The following NPNT variants were observed in gnomAD, a reference collection of about 807,000 sequenced individuals.
NPNT encodes nephronectin, also known as preosteoblast EGF-like repeat protein with MAM domain.
NPNT carries 45 observed loss-of-function variants against 68.6 expected under a neutral mutation model. That is an observed-to-expected ratio of 0.66 (90% CI 0.52 to 0.84). NPNT has a LOEUF of 0.84. Ranked by LOEUF, NPNT falls within the 40% of genes least tolerant of loss-of-function variation. NPNT has a pLI of 0.00. For missense variants in NPNT, 672 were observed against 714.8 expected, an observed-to-expected ratio of 0.94 and a Z score of 0.68; for synonymous variants, 233 against 253.3, an observed-to-expected ratio of 0.92 and a Z score of 0.76.
chr4:105,898,324 CTCTGTCT>C, intron 2 of NPNT, among the ~76,000 whole-genome samples: 2 of 121,118 alleles, frequency 1.7e-5, no homozygotes, highest in South Asian at 4.8e-4. Context: ...CTCTCTCTCT[CTCTGTCT>C]CTCTCTCTCT....
intron 4 of NPNT, 36 bp downstream of exon 4, chr4:105,937,164 T>C: frequency 1.2e-6 from 2 of 1,609,346 alleles, no homozygotes; most frequent in South Asian, 1.1e-5. Flanking sequence ...ATAAGTGCTT[T>C]GGGCTTGTTT....
At chr4:105,939,711 G>A (rs1266443512) in intron 5 of NPNT, among the ~76,000 whole-genome samples, 2 of 152,136 alleles carry the variant, frequency 1.3e-5, no homozygotes, top group African/African-American at 4.8e-5. Context: ...GAGAAAAGTA[G>A]ACAGATTCAA....
At chr4:105,967,128 G>A (rs1414401888) in intron 10 of NPNT, 60 bp from the exon 11 acceptor site, 1 of 1,493,246 alleles carries the variant, frequency 6.7e-7, no homozygotes, top group East Asian at 2.3e-5. Context: ...TCCTGTCCAT[G>A]CTGCTTGTTC....
rs527512624 is a variant in NPNT at position 105,954,744 on chromosome 4, T to C, written c.1160-3727T>C. 3.9e-5 allele frequency among the ~76,000 whole-genome samples: 6 copies of C among 152,324 alleles called. No individual in the cohort carries two copies. In the South Asian group the frequency reaches 1.2e-3, roughly 32 times the overall value. On this transcript the variant is annotated intron_variant, in intron 8 of 11. Coordinates refer to ENST00000379987, the MANE Select transcript of NPNT (RefSeq NM_001033047.3). ...CCAGAGCCATAGCTCATAGTACTTCTTCTTATGTCATAGAGAAAGCATCAC... is the reference window on the plus strand; with the variant it reads ...CCAGAGCCATAGCTCATAGTACTTCCTCTTATGTCATAGAGAAAGCATCAC...
chr4:105,955,802 G>A (rs561644923), intron 8 of NPNT, among the ~76,000 whole-genome samples: 132 of 148,590 alleles, frequency 8.9e-4, no homozygotes, highest in African/African-American at 3.2e-3. Context: ...ACTCTAAAGT[G>A]TATCGGGGGT....
chr4:105,917,407 CCTT>C (rs1408299390), intron 2 of NPNT, among the ~76,000 whole-genome samples: 1 of 152,130 alleles, frequency 6.6e-6, no homozygotes, highest in African/African-American at 2.4e-5. Context: ...CAGAGAAATG[CCTT>C]CTTCTGTATT....
Position 105,971,034 on chromosome 4 carries a change from T to C in NPNT, c.*2044T>C, listed in dbSNP as rs200303428. On this transcript the variant is annotated 3_prime_UTR_variant, in exon 12 of 12. Coordinates refer to ENST00000379987, the MANE Select transcript of NPNT (RefSeq NM_001033047.3). ...CAGTAATGTCCTAGTGTGGCGGTGGTTTTCAATGTTTCTTCATGTTAAAGG... is the reference window on the plus strand; with the variant it reads ...CAGTAATGTCCTAGTGTGGCGGTGGCTTTCAATGTTTCTTCATGTTAAAGG... The C allele has an allele frequency of 2.4e-5, 9 of 367,490 alleles. No individual in the cohort carries two copies. The highest frequency in any genetic ancestry group is 1.8e-4 in the South Asian group (9 of 50,008). 22.8% of individuals were successfully genotyped at this position (367,490 alleles called of 1,614,324 possible). A position where few individuals can be genotyped will look rare whatever the true frequency, so the allele number is the denominator to read the frequency against.
intron 2 of NPNT, among the ~76,000 whole-genome samples, chr4:105,906,012 A>G (rs1726861057): frequency 6.6e-6 from 1 of 152,212 alleles, no homozygotes; most frequent in Non-Finnish European, 1.5e-5. Context: ...TTGGGAAAGT[A>G]TATAAAGTGG....
At position 105,928,485 on chromosome 4, in the gene NPNT, T is replaced by C. The variant is rs11730923; in HGVS notation, c.265+1057T>C. On this transcript the variant is annotated intron_variant, in intron 3 of 11. Coordinates refer to ENST00000379987, the MANE Select transcript of NPNT (RefSeq NM_001033047.3). ...GAAATTAGCTGCGTGTGGTGGCTCA[T>C]GCTTGTAATCCCAGCTACTCAAGAA... 9.8e-3 allele frequency among the ~76,000 whole-genome samples: 1,490 copies of C among 151,952 alleles called. 7 individuals carry two copies. The highest frequency in any genetic ancestry group is 0.013 in the South Asian group (64 of 4,810).
At chr4:105,953,553 C>T (rs1489016406) in intron 8 of NPNT, among the ~76,000 whole-genome samples, 1 of 152,148 alleles carries the variant, frequency 6.6e-6, no homozygotes, top group East Asian at 1.9e-4. Flanking sequence ...TCTCTCTGAT[C>T]ACTTAAAATT....
In NPNT at chr4:105,942,621, G is replaced by T; in HGVS notation, c.1078G>T (p.Ala360Ser). ...PTTGLTTIAP[A>S]ASTPPGGITV... ...CACCGGACTGACAACTATAGCACCA[G>T]CTGCCAGTACACCTCCAGGAGGGAT... Residue 360 changes from alanine (A) to serine (S), a missense_variant, in exon 8 of 12, where the codon GCT becomes TCT. Transcript: ENST00000379987. 1.9e-6 allele frequency: 3 copies of T among 1,613,948 alleles called. No homozygotes were observed. The South Asian group carries it at 3.3e-5, about 18-fold the overall frequency.
At chr4:105,923,002 G>A (rs962867407) in intron 2 of NPNT, among the ~76,000 whole-genome samples, 5 of 152,190 alleles carry the variant, frequency 3.3e-5, no homozygotes, top group Admixed American at 2.0e-4. Flanking sequence ...AAGCAATGCT[G>A]CCTTTTCTGA....
intron 3 of NPNT, among the ~76,000 whole-genome samples, chr4:105,934,229 A>G (rs1729345705): frequency 6.6e-6 from 1 of 152,212 alleles, no homozygotes; most frequent in Non-Finnish European, 1.5e-5. Context: ...ATGATCTCCA[A>G]TAGATTGTGA....
At chr4:105,914,320 A>G in intron 2 of NPNT, among the ~76,000 whole-genome samples, 1 of 137,352 alleles carries the variant, frequency 7.3e-6, no homozygotes, top group South Asian at 2.6e-4. Flanking sequence ...TTGGTCCTGG[A>G]TCATGCAGGT....
intron 10 of NPNT, 33 bp from the exon 11 acceptor site, chr4:105,967,155 C>G: frequency 6.2e-7 from 1 of 1,607,242 alleles, no homozygotes; most frequent in Non-Finnish European, 8.5e-7. Context: ...GGGATATTGG[C>G]ACATACACAC....
chr4:105,932,059 T>C (rs1427936972), intron 3 of NPNT, among the ~76,000 whole-genome samples: 1 of 152,220 alleles, frequency 6.6e-6, no homozygotes, highest in Non-Finnish European at 1.5e-5. Flanking sequence ...TCCAGAAGCA[T>C]AATTTCTTAC....
chr4:105,942,111 G>GTATATA (rs1359562097), intron 7 of NPNT, among the ~76,000 whole-genome samples, 196 bp from the exon 8 acceptor site: 1 of 138,168 alleles, frequency 7.2e-6, no homozygotes, highest in African/African-American at 2.8e-5. Context: ...GTGTCTGTGT[G>GTATATA]TGTGTATATA....
chr4:105,950,133 T>C (rs1730702016), intron 8 of NPNT, among the ~76,000 whole-genome samples: 1 of 152,222 alleles, frequency 6.6e-6, no homozygotes. Context: ...TAAAAATTCA[T>C]TGAAGGTTTT....
chr4:105,954,031 G>A (rs1056552899), intron 8 of NPNT, among the ~76,000 whole-genome samples: 5 of 152,190 alleles, frequency 3.3e-5, no homozygotes, highest in Admixed American at 2.6e-4. Flanking sequence ...GTAAAAATAT[G>A]CAATTGACTA....
Sources: gnomAD v4.1 joint callset for allele counts (sites outside exome capture counted in the v4.1 genomes callset) on GRCh38, gnomAD v4.1.1 for gene constraint, MANE v1.5 for transcripts, NCBI Gene and HGNC (gene_info 2026-07-23, HGNC 2026-07-21) for gene names.